The following PKNOX1 variants were observed in gnomAD, a reference collection of about 807,000 sequenced individuals.
PKNOX1 encodes the protein homeobox protein PKNOX1.
PKNOX1 carries 15 observed loss-of-function variants against 51.9 expected under a neutral mutation model. The observed-to-expected ratio is 0.29, with a 90% CI of 0.19 to 0.45. PKNOX1 has a LOEUF of 0.45. Among genes scored for constraint, PKNOX1 ranks in the 20% least tolerant of loss-of-function variants. The pLI is 1.00. For synonymous variants in PKNOX1, 219 were observed against 211.1 expected, an observed-to-expected ratio of 1.04 and a Z score of -0.32; for missense variants, 462 against 547.5, an observed-to-expected ratio of 0.84 and a Z score of 1.56.
intron 9 of PKNOX1, among the ~76,000 whole-genome samples, chr21:43,028,018 G>C (rs1980057474): frequency 6.6e-6 from 1 of 152,360 alleles, no homozygotes; most frequent in East Asian, 1.9e-4. Flanking sequence ...TGGTCTGACA[G>C]AGTCGCCAGC....
intron 5 of PKNOX1, among the ~76,000 whole-genome samples, chr21:43,014,955 GGA>G (rs1979425809): frequency 6.6e-6 from 1 of 152,208 alleles, no homozygotes; most frequent in Non-Finnish European, 1.5e-5. Flanking sequence ...ATCAATCTGG[GGA>G]GAATTGACAT....
At position 43,018,139 on chromosome 21, in the gene PKNOX1, C is replaced by T; in HGVS notation, c.629C>T (p.Thr210Ile). 6.3e-7 allele frequency: 1 copy of T among 1,596,582 alleles called. No homozygotes were observed. The highest frequency in any genetic ancestry group is 8.6e-7 in the Non-Finnish European group (1 of 1,166,090). Residue 210 changes from threonine to isoleucine, a missense_variant, in exon 7 of 11, where the codon ACA becomes ATA. Transcript: ENST00000291547. Reference protein sequence around the residue: ...NVAMATVAGGTVYQPVTVVTP... With the variant: ...NVAMATVAGGIVYQPVTVVTP... ...TTTTATTCTCCCTTTCGAGGTGGCA[C>T]AGTGTATCAGCCTGTCACGGTCGTC...
chr21:42,975,046 GC>G (rs1284698572), intron 1 of PKNOX1, among the ~76,000 whole-genome samples: 2 of 28,848 alleles, frequency 6.9e-5, no homozygotes, highest in Non-Finnish European at 1.5e-4. Context: ...GCGCCCCGGC[GC>G]GGGGCGGGGG....
chr21:43,004,157 A>AACCTG (rs1978884094), intron 1 of PKNOX1, 169 bp from the exon 2 acceptor site: 8 of 386,594 alleles, frequency 2.1e-5, no homozygotes, highest in Non-Finnish European at 3.4e-5. Context: ...GAAACACTTG[A>AACCTG]ACCTGGGAGG....
chr21:42,995,320 G>A (rs1344102402), intron 1 of PKNOX1, among the ~76,000 whole-genome samples: 2 of 152,172 alleles, frequency 1.3e-5, no homozygotes, highest in Admixed American at 1.3e-4. Flanking sequence ...ATTTTAGGAA[G>A]GACTGCACAG....
At chr21:43,003,020 C>G (rs1337687320) in intron 1 of PKNOX1, among the ~76,000 whole-genome samples, 2 of 152,148 alleles carry the variant, frequency 1.3e-5, no homozygotes, top group African/African-American at 4.8e-5. Context: ...GCTCCTTGTT[C>G]CTTTGAACTG....
At chr21:42,987,404 A>AAAAAAAAATATATAT in intron 1 of PKNOX1, among the ~76,000 whole-genome samples, 1 of 41,418 alleles carries the variant, frequency 2.4e-5, no homozygotes, top group African/African-American at 9.3e-5. Context: ...AAAAAAAAAA[A>AAAAAAAAATATATAT]ATATATATAT....
chr21:42,986,216 G>A (rs1031793092), intron 1 of PKNOX1, among the ~76,000 whole-genome samples: 1 of 151,866 alleles, frequency 6.6e-6, no homozygotes, highest in Non-Finnish European at 1.5e-5. Context: ...GAAAAATAAA[G>A]TGATGGCTGG....
chr21:43,029,970 G>A lies in PKNOX1; in HGVS notation c.1180G>A (p.Ala394Thr). 6.2e-7 allele frequency: 1 copy of A among 1,614,114 alleles called. No homozygotes were observed. Among genetic ancestry groups the A allele is most frequent in the Non-Finnish European group, 8.5e-7 (1 of 1,180,022 alleles). The change falls in exon 11 of 11, where the codon GCG becomes ACG. Residue 394 changes from alanine to threonine, a missense_variant. Physicochemically the swap from Ala to Thr is moderately conservative, Grantham distance 58. Around this residue, in one of 5 missense-constraint regions of PKNOX1, gnomAD observed 118 missense variants for 116.8 expected, o/e 1.01. Transcript: ENST00000291547. ...QSLSSDGATL[A>T]VQQVMMAGQS... ...TCTGTCCTCGGACGGGGCCACCCTG[G>A]CGGTGCAGCAGGTCATGATGGCAGG...
chr21:42,982,435 A>G (rs75408629), intron 1 of PKNOX1, among the ~76,000 whole-genome samples: 9 of 152,180 alleles, frequency 5.9e-5, no homozygotes, highest in Admixed American at 1.3e-4. Flanking sequence ...CTTGACAAGA[A>G]AAAGGAGCAT....
intron 1 of PKNOX1, among the ~76,000 whole-genome samples, chr21:42,975,680 G>C (rs1227755100): frequency 1.3e-5 from 2 of 152,268 alleles, no homozygotes; most frequent in Non-Finnish European, 1.5e-5. Context: ...GAGGGTCCGG[G>C]AATGGCGGCG....
At chr21:43,020,079 G>C (rs989469432) in intron 7 of PKNOX1, among the ~76,000 whole-genome samples, 6 of 152,160 alleles carry the variant, frequency 3.9e-5, no homozygotes, top group Admixed American at 6.5e-5. Flanking sequence ...CTACAGGCAT[G>C]TGCCACCTTG....
At chr21:43,027,485 C>T (rs1478239424) in intron 9 of PKNOX1, among the ~76,000 whole-genome samples, 1 of 152,194 alleles carries the variant, frequency 6.6e-6, no homozygotes, top group Non-Finnish European at 1.5e-5. Context: ...ATTTGAGTCT[C>T]CTTGCACTTT....
At chr21:43,003,933 A>G (rs1978873475) in intron 1 of PKNOX1, 1 of 157,848 alleles carries the variant, frequency 6.3e-6, no homozygotes, top group Admixed American at 6.2e-5. Flanking sequence ...AAAAATATGT[A>G]TTTTTAAAAA....
In PKNOX1 at chr21:43,028,691, G is replaced by A; in HGVS notation, c.927-11G>A. The A allele has an allele frequency of 6.2e-7, 1 of 1,612,796 alleles. No homozygotes were observed. Among genetic ancestry groups the A allele is most frequent in the Middle Eastern group, 1.7e-4 (1 of 6,058 alleles). ...GCTGTTTTCATGGAAGCTTCTCTTT[G>A]TTGACTCCAGGTTCATCAATGCCAG... On this transcript the variant is annotated splice_polypyrimidine_tract_variant and intron_variant, in intron 9 of 10. Coordinates refer to ENST00000291547, the MANE Select transcript of PKNOX1 (RefSeq NM_004571.5).
At chr21:43,009,980 C>T in intron 3 of PKNOX1, 73 bp from the exon 4 acceptor site, 1 of 877,268 alleles carries the variant, frequency 1.1e-6, no homozygotes, top group African/African-American at 1.7e-5. Flanking sequence ...TGAAGTAGTG[C>T]AGGCATACAC....
chr21:43,006,626 ATG>A (rs1279219813), intron 2 of PKNOX1, among the ~76,000 whole-genome samples: 2 of 152,276 alleles, frequency 1.3e-5, no homozygotes, highest in South Asian at 2.1e-4. Flanking sequence ...GGGCTGGAGG[ATG>A]TGAGAGGCGT....
chr21:43,007,497 G>A lies in PKNOX1; in HGVS notation c.58G>A (p.Val20Ile). The part of the protein sequence containing the change: ...DSYQDGQQMQ[V>I]VTELKTEQDP... ...TATCTTCCTCCTTTTACAGATGCAA[G>A]TAGTAACAGAGTTAAAGACAGAACA... is the stretch of plus-strand genomic sequence containing the variant. Residue 20 changes from valine (V) to isoleucine (I), a missense_variant, in exon 3 of 11, where the codon GTA becomes ATA. Transcript: ENST00000291547. The A allele has an allele frequency of 2.5e-6, 4 of 1,613,666 alleles. No homozygotes were observed. Among genetic ancestry groups the A allele is most frequent in the Non-Finnish European group, 3.4e-6 (4 of 1,179,570 alleles).
chr21:42,978,361 C>T (rs146948663), intron 1 of PKNOX1, among the ~76,000 whole-genome samples: 345 of 151,950 alleles, frequency 2.3e-3, no homozygotes, highest in African/African-American at 7.5e-3. Flanking sequence ...TTAAGTTTTC[C>T]TTTGTTCTGA....
Sources: gnomAD v4.1 joint callset for allele counts (sites outside exome capture counted in the v4.1 genomes callset) on GRCh38, gnomAD v4.1.1 for gene constraint, gnomAD v4.1.1 regional missense constraint, MANE v1.5 for transcripts, NCBI Gene and HGNC (gene_info 2026-07-23, HGNC 2026-07-21) for gene names.